RPH3A: variants seen among roughly 807,000 people sequenced by gnomAD.
RPH3A encodes rabphilin-3A.
A neutral mutation model predicts 102.2 loss-of-function variants in RPH3A; 48 were observed. The ratio of observed to expected loss-of-function variants is 0.47; its 90% CI spans 0.37 to 0.60. RPH3A has a LOEUF of 0.60. RPH3A is among the 20% of genes least tolerant of loss of function. The probability of loss-of-function intolerance (pLI) is 0.00; values close to 1 mark genes in which losing one functional copy is unlikely to be tolerated. For missense variants in RPH3A, 781 were observed against 910.1 expected, an observed-to-expected ratio of 0.86 and a Z score of 1.83; for synonymous variants, 310 against 324.3, an observed-to-expected ratio of 0.96 and a Z score of 0.47.
intron 1 of RPH3A, among the ~76,000 whole-genome samples, chr12:112,771,529 T>C (rs1038563668): frequency 1.2e-4 from 18 of 152,356 alleles, no homozygotes; most frequent in African/African-American, 4.1e-4. Flanking sequence ...AATATACTTT[T>C]ATATCCATCT....
chr12:112,756,002 G>T (rs1180397365), intron 1 of RPH3A, among the ~76,000 whole-genome samples: 1 of 152,106 alleles, frequency 6.6e-6, no homozygotes, highest in Admixed American at 6.6e-5. Flanking sequence ...TGACACAAAA[G>T]TACTGCCAGA....
rs182852770 is a variant in RPH3A, at chr12:112,878,714, A to T, written c.1172-405A>T. Among the ~76,000 whole-genome samples, 652 of 152,352 alleles carry T rather than the reference A, an allele frequency of 4.3e-3. 2 individuals carry two copies. Among genetic ancestry groups the T allele is most frequent in the Non-Finnish European group, 7.1e-3 (485 of 68,032 alleles). On this transcript the variant is annotated intron_variant, in intron 13 of 21. Transcript: ENST00000389385. ...ACGAGAAGGTGCCAACCATGTAAGG[A>T]TCTAGAGGGAGAGCATTCCAGGCAG...
intron 1 of RPH3A, among the ~76,000 whole-genome samples, chr12:112,681,622 A>G (rs2040226732): frequency 6.6e-6 from 1 of 152,214 alleles, no homozygotes; most frequent in South Asian, 2.1e-4. Flanking sequence ...CATTACAGGA[A>G]TTATGTTAAT....
chr12:112,712,949 T>G (rs973369223), intron 1 of RPH3A, among the ~76,000 whole-genome samples: 2 of 112,852 alleles, frequency 1.8e-5, no homozygotes, highest in African/African-American at 6.0e-5. Context: ...CTTCTTCTTC[T>G]TCTTCTTCTT....
At chr12:112,708,597 G>A (rs1306912122) in intron 1 of RPH3A, among the ~76,000 whole-genome samples, 2 of 152,134 alleles carry the variant, frequency 1.3e-5, no homozygotes, top group African/African-American at 4.8e-5. Flanking sequence ...TCCTCCAGAG[G>A]GACACCGAGT....
chr12:112,762,095 G>C (rs2040857990), intron 1 of RPH3A, among the ~76,000 whole-genome samples: 1 of 152,180 alleles, frequency 6.6e-6, no homozygotes. Context: ...ACACAATGCA[G>C]CGTCTGTCAT....
At chr12:112,646,200 T>C (rs2039928765) in intron 1 of RPH3A, among the ~76,000 whole-genome samples, 1 of 152,144 alleles carries the variant, frequency 6.6e-6, no homozygotes, top group Non-Finnish European at 1.5e-5. Flanking sequence ...GCTTAAACAA[T>C]AAAGAAAAAT....
chr12:112,790,177 C>T (rs2041083226), upstream of RPH3A, among the ~76,000 whole-genome samples: 1 of 152,086 alleles, frequency 6.6e-6, no homozygotes, highest in African/African-American at 2.4e-5. Context: ...CTGCCTCCAC[C>T]TCCCGAGTAG....
At chr12:112,883,504 T>A in intron 16 of RPH3A, 102 bp downstream of exon 16, 2 of 756,068 alleles carry the variant, frequency 2.6e-6, no homozygotes, top group Admixed American at 4.6e-5. Flanking sequence ...TCTAAAAAGA[T>A]CTCTACATAG....
At chr12:112,697,121 G>A (rs1430635185) in intron 1 of RPH3A, among the ~76,000 whole-genome samples, 2 of 151,952 alleles carry the variant, frequency 1.3e-5, no homozygotes, top group Non-Finnish European at 2.9e-5. Flanking sequence ...CAGGATTTGA[G>A]GTCCTACCCA....
intron 1 of RPH3A, among the ~76,000 whole-genome samples, chr12:112,617,290 C>T (rs1592909414): frequency 6.6e-6 from 1 of 152,164 alleles, no homozygotes. Context: ...CAAATCCACG[C>T]TGCTGAGGTG....
intron 7 of RPH3A, among the ~76,000 whole-genome samples, chr12:112,867,061 C>A (rs531536263): frequency 6.6e-6 from 1 of 152,220 alleles, no homozygotes; most frequent in African/African-American, 2.4e-5. Flanking sequence ...GCCCTCTGGC[C>A]TCTGTTCTTT....
At chr12:112,714,962 C>A (rs527340089) in intron 1 of RPH3A, among the ~76,000 whole-genome samples, 1 of 152,248 alleles carries the variant, frequency 6.6e-6, no homozygotes, top group African/African-American at 2.4e-5. Flanking sequence ...GATCCAAATC[C>A]TTTTCCTGCA....
upstream of RPH3A, among the ~76,000 whole-genome samples, chr12:112,790,688 T>C (rs2136083804): frequency 6.6e-6 from 1 of 152,372 alleles, no homozygotes; most frequent in East Asian, 1.9e-4. Flanking sequence ...TTGATACTTT[T>C]ATTTCATTGT....
intron 2 of RPH3A, 65 bp from the exon 3 acceptor site, chr12:112,828,236 G>T: frequency 9.2e-7 from 1 of 1,087,202 alleles, no homozygotes; most frequent in South Asian, 1.3e-5. Context: ...CATAAAGCAG[G>T]GATTTGGGAA....
chr12:112,629,974 C>G (rs765291051), intron 1 of RPH3A, among the ~76,000 whole-genome samples: 22 of 152,066 alleles, frequency 1.4e-4, no homozygotes, highest in Non-Finnish European at 2.6e-4. Flanking sequence ...TATCACACAG[C>G]TAGGAAGATA....
chr12:112,747,506 C>T (rs1029292108), intron 1 of RPH3A, among the ~76,000 whole-genome samples: 1 of 152,120 alleles, frequency 6.6e-6, no homozygotes, highest in Admixed American at 6.6e-5. Flanking sequence ...TCTCTAGTGC[C>T]TTTTAATGAC....
intron 1 of RPH3A, among the ~76,000 whole-genome samples, chr12:112,632,403 C>T (rs1313082041): frequency 6.6e-6 from 1 of 152,138 alleles, no homozygotes; most frequent in African/African-American, 2.4e-5. Context: ...ATTCTCTGTC[C>T]ATTGCATGCG....
chr12:112,836,543 C>G lies in RPH3A; in HGVS notation c.83+41C>G, dbSNP rs766776886. 19 of 1,086,902 alleles carry G rather than the reference C, an allele frequency of 1.7e-5. No homozygotes were observed. In the South Asian group the frequency reaches 3.0e-4, roughly 17 times the overall value. The allele number at this position is 1,086,902 out of a possible 1,614,324, so 67.3% of individuals were successfully genotyped here. On this transcript the variant is annotated intron_variant, in intron 4 of 21. Coordinates refer to ENST00000389385, the MANE Select transcript of RPH3A (RefSeq NM_001143854.2). ...CACTTATTTATTTATTTTTTACAAACTGTATTTTATCTCTTTCTCTGATCA... is the reference window on the plus strand; with the variant it reads ...CACTTATTTATTTATTTTTTACAAAGTGTATTTTATCTCTTTCTCTGATCA...
Sources: gnomAD v4.1 joint callset for allele counts (sites outside exome capture counted in the v4.1 genomes callset) on GRCh38, gnomAD v4.1.1 for gene constraint, MANE v1.5 for transcripts, NCBI Gene and HGNC (gene_info 2026-07-23, HGNC 2026-07-21) for gene names.